Variants in CADM1 observed in about 807,000 individuals in gnomAD.
CADM1 encodes the protein TSLC-1.
A neutral mutation model predicts 53.1 loss-of-function variants in CADM1; 15 were observed. That is an observed-to-expected ratio of 0.28 (90% CI 0.19 to 0.44). The LOEUF is 0.44. Ranked by LOEUF, CADM1 falls within the 20% of genes least tolerant of loss-of-function variation. CADM1 has a pLI of 1.00. For missense variants in CADM1, 434 were observed against 611.3 expected (o/e 0.71, Z 3.06); for synonymous variants, 281 against 243.0 (o/e 1.16, Z -1.45).
intron 1 of CADM1, among the ~76,000 whole-genome samples, chr11:115,251,408 T>C (rs2134974044): frequency 6.6e-6 from 1 of 152,200 alleles, no homozygotes; most frequent in South Asian, 2.1e-4. Flanking sequence ...GGACTCAGAG[T>C]GAATGTCAGT....
At chr11:115,331,873 C>CTTTT (rs141722707) in intron 1 of CADM1, among the ~76,000 whole-genome samples, 1 of 146,834 alleles carries the variant, frequency 6.8e-6, no homozygotes, top group East Asian at 2.0e-4. Context: ...AAATATAGAC[C>CTTTT]TTTTTTTTTG....
intron 9 of CADM1, among the ~76,000 whole-genome samples, chr11:115,195,170 C>A (rs1056332121): frequency 1.3e-5 from 2 of 152,336 alleles, no homozygotes; most frequent in African/African-American, 4.8e-5. Flanking sequence ...TCAGTTAAAT[C>A]CTTAAAAGCA....
rs954331960 is a variant in CADM1 at position 115,234,895 on chromosome 11, A to T, written c.425-3405T>A. On this transcript the variant is annotated intron_variant, in intron 3 of 11. Transcript: ENST00000331581. ...GCGACACAGGGAGACTCCGTCTCCA[A>T]AAAAAAAAAAAAAAAAAAAAAAAAA... Among the ~76,000 whole-genome samples the T allele has an allele frequency of 1.5e-4, 4 of 27,294 alleles. No homozygotes were observed. In the East Asian group the frequency reaches 5.2e-3, roughly 36 times the overall value. The allele number at this position is 27,294 out of a possible 152,430, so 17.9% of individuals were successfully genotyped here. A position where few individuals can be genotyped will look rare whatever the true frequency, so the allele number is the denominator to read the frequency against.
chr11:115,481,749 G>A (rs1012903142), intron 1 of CADM1, among the ~76,000 whole-genome samples: 1 of 152,082 alleles, frequency 6.6e-6, no homozygotes, highest in Non-Finnish European at 1.5e-5. Flanking sequence ...CCACTCTCTT[G>A]ATCAGTTATG....
chr11:115,308,223 A>G (rs1250122186), intron 1 of CADM1, among the ~76,000 whole-genome samples: 1 of 86,894 alleles, frequency 1.2e-5, no homozygotes, highest in African/African-American at 4.7e-5. Context: ...CACACCTATG[A>G]GAAGGTTTTT....
At chr11:115,339,222 G>A (rs555811803) in intron 1 of CADM1, among the ~76,000 whole-genome samples, 5 of 152,038 alleles carry the variant, frequency 3.3e-5, no homozygotes, top group African/African-American at 4.8e-5. Context: ...TCAGTGTGGC[G>A]ATTCCTCAGG....
intron 1 of CADM1, among the ~76,000 whole-genome samples, chr11:115,421,352 C>T (rs1223800726): frequency 2.6e-5 from 4 of 152,328 alleles, no homozygotes; most frequent in Admixed American, 2.6e-4. Flanking sequence ...AACTACTTGA[C>T]AAGTGGGAGA....
intron 1 of CADM1, among the ~76,000 whole-genome samples, chr11:115,332,721 C>G (rs1394861124): frequency 6.6e-6 from 1 of 152,042 alleles, no homozygotes; most frequent in Non-Finnish European, 1.5e-5. Context: ...CTCCACTGAG[C>G]AGAAGGTAGA....
At chr11:115,488,240 G>C (rs1321348962) in intron 1 of CADM1, among the ~76,000 whole-genome samples, 1 of 152,114 alleles carries the variant, frequency 6.6e-6, no homozygotes, top group Non-Finnish European at 1.5e-5. Context: ...ATAATTCAAA[G>C]CATTTAAAGT....
At chr11:115,380,201 G>A (rs1466639828) in intron 1 of CADM1, among the ~76,000 whole-genome samples, 1 of 125,582 alleles carries the variant, frequency 8.0e-6, no homozygotes, top group East Asian at 2.3e-4. Flanking sequence ...AGTCAAACAG[G>A]AAACCAAGAA....
In CADM1 at chr11:115,289,384, A is replaced by G. The variant is rs111670030; in HGVS notation, c.125-48964T>C. 8.4e-3 allele frequency among the ~76,000 whole-genome samples: 1,282 copies of G among 152,030 alleles called. 12 individuals carry two copies. Among genetic ancestry groups the G allele is most frequent in the Middle Eastern group, 0.051 (15 of 294 alleles). On this transcript the variant is annotated intron_variant, in intron 1 of 11. Transcript: ENST00000331581. ...CATCTCAAAAAATAAAAAAATAAAT[A>G]AATCAAGTTATTTATTTACAGATTT...
chr11:115,217,700 T>C (rs7947402), intron 6 of CADM1, among the ~76,000 whole-genome samples, 192 bp downstream of exon 6: 58,093 of 152,054 alleles, frequency 0.38, 13,475 homozygotes, highest in Non-Finnish European at 0.52. Flanking sequence ...ATTTAATTTT[T>C]CTCCCAGTCC....
At chr11:115,325,342 A>G (rs1347907178) in intron 1 of CADM1, among the ~76,000 whole-genome samples, 1 of 152,114 alleles carries the variant, frequency 6.6e-6, no homozygotes, top group Non-Finnish European at 1.5e-5. Flanking sequence ...AGTCATCAAT[A>G]AGGGTCCTTG....
chr11:115,389,307 A>G (rs1946776466), intron 1 of CADM1, among the ~76,000 whole-genome samples: 1 of 152,218 alleles, frequency 6.6e-6, no homozygotes. Context: ...CAACAACAAC[A>G]GACAAACAAA....
intron 5 of CADM1, among the ~76,000 whole-genome samples, chr11:115,225,054 A>C (rs1345913553): frequency 6.6e-6 from 1 of 152,198 alleles, no homozygotes. Context: ...GCTTGGGAGC[A>C]TAATTATTTT....
chr11:115,201,303 G>A (rs1359796147), intron 8 of CADM1, among the ~76,000 whole-genome samples: 1 of 152,082 alleles, frequency 6.6e-6, no homozygotes, highest in Admixed American at 6.5e-5. Context: ...AAGAGCATCT[G>A]GTATGCTACT....
At chr11:115,371,018 A>G (rs1946293557) in intron 1 of CADM1, among the ~76,000 whole-genome samples, 2 of 152,214 alleles carry the variant, frequency 1.3e-5, no homozygotes, top group Non-Finnish European at 2.9e-5. Flanking sequence ...AAAAGCAGCA[A>G]CACTTCATCA....
intron 1 of CADM1, among the ~76,000 whole-genome samples, chr11:115,299,721 C>T (rs192848405): frequency 6.8e-4 from 103 of 152,184 alleles, no homozygotes; most frequent in African/African-American, 2.3e-3. Flanking sequence ...AGAAGCAAGA[C>T]GGAGATGGCC....
intron 5 of CADM1, among the ~76,000 whole-genome samples, chr11:115,223,973 A>AAGAGAGAGAGAGAGAG (rs1555043883): frequency 9.7e-5 from 9 of 92,464 alleles, no homozygotes; most frequent in African/African-American, 2.5e-4. Flanking sequence ...AAAAAAAAAA[A>AAGAGAGAGAGAGAGAG]AGAGAGAGAG....
Sources: allele counts gnomAD v4.1 joint callset (sites outside exome capture counted in the v4.1 genomes callset), GRCh38; gene constraint gnomAD v4.1.1; transcripts MANE v1.5; gene names NCBI Gene and HGNC (gene_info 2026-07-23, HGNC 2026-07-21).